PASD1: variants seen among roughly 807,000 people sequenced by gnomAD.
PASD1 encodes the protein PAS domain containing repressor 1, also known as circadian clock protein PASD1.
PASD1 carries 13 observed loss-of-function variants against 58.8 expected under a neutral mutation model. The observed-to-expected ratio is 0.22, with a 90% CI of 0.14 to 0.35. PASD1 has a LOEUF of 0.35. Ranked by LOEUF, PASD1 falls within the 10% of genes least tolerant of loss-of-function variation. PASD1 has a pLI of 1.00. For missense variants in PASD1, 734 were observed against 568.3 expected (o/e 1.29, Z -2.96); for synonymous variants, 236 against 216.7 (o/e 1.09, Z -0.78).
chrX:151,607,690 T>A (rs2013505060), intron 3 of PASD1, among the ~76,000 whole-genome samples: 1 of 111,825 alleles, frequency 8.9e-6, no homozygotes, highest in South Asian at 3.8e-4. Context: ...TAGTCAAAAG[T>A]CACACCCAGG....
intron 14 of PASD1, 35 bp from the exon 15 acceptor site, chrX:151,673,893 A>T (rs763851497): frequency 1.6e-5 from 19 of 1,206,770 alleles, no homozygotes; most frequent in Non-Finnish European, 3.4e-6. Flanking sequence ...TCATGTCCAG[A>T]TCCACATCAC....
chrX:151,613,096 T>A (rs946543641), intron 4 of PASD1, among the ~76,000 whole-genome samples: 28 of 112,189 alleles, frequency 2.5e-4, no homozygotes, highest in Non-Finnish European at 4.5e-4. Context: ...ACTTCTTGTT[T>A]TTGTCAGGTT....
At chrX:151,634,495 T>G (rs778665775) in intron 8 of PASD1, among the ~76,000 whole-genome samples, 17 of 108,366 alleles carry the variant, frequency 1.6e-4, no homozygotes, top group African/African-American at 5.5e-4. Context: ...CTTTTGTAGC[T>G]TTTTTTTTGG....
chrX:151,675,317 C>T (rs1290529752), intron 15 of PASD1, among the ~76,000 whole-genome samples: 1 of 111,799 alleles, frequency 8.9e-6, no homozygotes, highest in East Asian at 2.8e-4. Flanking sequence ...CCAGCCCTCA[C>T]TGCCTGCCCT....
intron 11 of PASD1, among the ~76,000 whole-genome samples, 176 bp from the exon 12 acceptor site, chrX:151,670,862 A>G (rs770910020): frequency 1.8e-5 from 2 of 112,613 alleles, no homozygotes; most frequent in Non-Finnish European, 3.7e-5. Context: ...TTTCTTATCT[A>G]GAATTCCTAA....
intron 8 of PASD1, among the ~76,000 whole-genome samples, chrX:151,628,842 T>A (rs2013828670): frequency 8.9e-6 from 1 of 111,824 alleles, no homozygotes; most frequent in Non-Finnish European, 1.9e-5. Flanking sequence ...GTTCTTCTGT[T>A]TGTTTGTATC....
chrX:151,597,149 A>T (rs1169804585), intron 1 of PASD1, among the ~76,000 whole-genome samples: 1 of 112,028 alleles, frequency 8.9e-6, no homozygotes, highest in African/African-American at 3.2e-5. Context: ...CTGGTTTGGT[A>T]TGAAGAATAT....
chrX:151,582,651 G>A (rs758748914), intron 1 of PASD1, among the ~76,000 whole-genome samples: 11 of 111,582 alleles, frequency 9.9e-5, no homozygotes, highest in South Asian at 3.9e-4. Flanking sequence ...TACCTCCTCC[G>A]AAGCCTAAAA....
At chrX:151,633,543 G>A (rs1602945031) in intron 8 of PASD1, among the ~76,000 whole-genome samples, 1 of 111,660 alleles carries the variant, frequency 9.0e-6, no homozygotes, top group Admixed American at 9.5e-5. Flanking sequence ...ACAGGTAGAA[G>A]GGATAGCAGT....
At chrX:151,619,401 T>C (rs1267694929) in intron 4 of PASD1, among the ~76,000 whole-genome samples, 1 of 110,884 alleles carries the variant, frequency 9.0e-6, no homozygotes, top group African/African-American at 3.3e-5. Flanking sequence ...TATCTGTGAG[T>C]CATTAACAGA....
intron 8 of PASD1, among the ~76,000 whole-genome samples, chrX:151,628,933 A>G (rs945976674): frequency 2.7e-5 from 3 of 110,812 alleles, no homozygotes. Context: ...ATTCCTAGGT[A>G]TTTTATTCTC....
At chrX:151,654,775 G>A (rs1189432343) in intron 9 of PASD1, among the ~76,000 whole-genome samples, 1 of 111,332 alleles carries the variant, frequency 9.0e-6, no homozygotes, top group South Asian at 3.8e-4. Context: ...TGGTGGAATG[G>A]TGGCAGGTAA....
In PASD1 at chrX:151,648,635, G is replaced by A. The variant is rs1235640414; in HGVS notation, c.650G>A (p.Gly217Glu). ...TATAGTAGCTCTCAAGGTCAAAGAG[G>A]ACACACTAGCATGAAAGCCGTGTAC... ...GELSSSQGQR[G>E]HTSMKAVYVE... Residue 217 changes from glycine to glutamate, a missense_variant, in exon 9 of 16, where the codon GGA becomes GAA. Transcript: ENST00000370357. 1.7e-6 allele frequency: 2 copies of A among 1,208,964 alleles called. No homozygotes were observed. Among genetic ancestry groups the A allele is most frequent in the African/African-American group, 3.5e-5 (2 of 57,001 alleles).
chrX:151,585,198 C>T (rs1569399609), intron 1 of PASD1, among the ~76,000 whole-genome samples: 1 of 111,839 alleles, frequency 8.9e-6, no homozygotes, highest in African/African-American at 3.2e-5. Context: ...ATCCAGTGTA[C>T]TTTTTAATTC....
At position 151,670,411 on chromosome X, in the gene PASD1, A is replaced by C. The variant is rs769098561; in HGVS notation, c.1072-627A>C. On this transcript the variant is annotated intron_variant, in intron 11 of 15. Coordinates refer to ENST00000370357, the MANE Select transcript of PASD1 (RefSeq NM_173493.3). The stretch of plus-strand genomic sequence containing the variant: ...TGCCTTATTCCTTCTATTCCAGCTA[A>C]TTTGGAGCATCATTTGCCCCATAGC... 3.6e-5 allele frequency among the ~76,000 whole-genome samples: 4 copies of C among 111,834 alleles called. No homozygotes were observed. In the South Asian group the frequency reaches 1.5e-3, roughly 42 times the overall value.
intron 1 of PASD1, among the ~76,000 whole-genome samples, chrX:151,591,050 T>A (rs913407000): frequency 8.9e-6 from 1 of 111,893 alleles, no homozygotes; most frequent in Admixed American, 9.5e-5. Context: ...GTCACTTGTC[T>A]CTAGAAAAGG....
chrX:151,631,562 G>A (rs1263589630), intron 8 of PASD1, among the ~76,000 whole-genome samples: 1 of 112,000 alleles, frequency 8.9e-6, no homozygotes, highest in African/African-American at 3.2e-5. Flanking sequence ...AGAAAACACT[G>A]GAAAATCAAA....
chrX:151,657,032 A>C (rs2014251916), intron 9 of PASD1, among the ~76,000 whole-genome samples: 2 of 111,795 alleles, frequency 1.8e-5, no homozygotes. Context: ...GATACGTCCC[A>C]TCAATACCTA....
At chrX:151,619,207 G>T (rs912713577) in intron 4 of PASD1, among the ~76,000 whole-genome samples, 3 of 111,644 alleles carry the variant, frequency 2.7e-5, no homozygotes, top group Non-Finnish European at 5.6e-5. Flanking sequence ...TGGATATTGA[G>T]TTTGAGAGAT....
Sources: gnomAD v4.1 joint callset for allele counts (sites outside exome capture counted in the v4.1 genomes callset) on GRCh38, gnomAD v4.1.1 for gene constraint, MANE v1.5 for transcripts, NCBI Gene and HGNC (gene_info 2026-07-23, HGNC 2026-07-21) for gene names.